Variants in WDFY4 observed in about 807,000 individuals in gnomAD.
WDFY4 encodes WD repeat- and FYVE domain-containing protein 4.
A neutral mutation model predicts 351.9 loss-of-function variants in WDFY4; 169 were observed. That is an observed-to-expected ratio of 0.48 (90% confidence interval 0.42 to 0.55). The LOEUF is 0.55. WDFY4 is among the 20% of genes least tolerant of loss of function. The pLI is 0.00. For missense variants in WDFY4, 3,803 were observed against 3,935.6 expected (o/e 0.97, Z 0.90); for synonymous variants, 1,622 against 1,574.6 (o/e 1.03, Z -0.71).
intron 21 of WDFY4, among the ~76,000 whole-genome samples, chr10:48,789,483 C>G (rs2066606949): frequency 6.6e-6 from 1 of 152,214 alleles, no homozygotes; most frequent in African/African-American, 2.4e-5. Context: ...CCTTTGACAT[C>G]TGTAGAGATT....
intron 2 of WDFY4, among the ~76,000 whole-genome samples, chr10:48,711,935 C>T (rs1362768693): frequency 2.6e-5 from 4 of 152,298 alleles, no homozygotes; most frequent in Admixed American, 1.3e-4. Flanking sequence ...CAGCTAACCT[C>T]GGAGCTCACT....
Position 48,830,767 on chromosome 10 carries a change from C to T in WDFY4, c.6408C>T (p.Thr2136=). The T allele has an allele frequency of 6.4e-7, 1 of 1,551,656 alleles. No individual in the cohort carries two copies. The highest frequency in any genetic ancestry group is 8.7e-7 in the Non-Finnish European group (1 of 1,146,962). ...AGCTGGTGGCACAAAGGCAGCAGAC[C>T]CTGGAGGATGCCTTCAAGATCGATC... ...WQQLVAQRQQ[T]LEDAFKIDLS... Residue 2136 remains threonine, a synonymous_variant, in exon 38 of 62, where the codon ACC becomes ACT. Transcript: ENST00000325239.
intron 23 of WDFY4, among the ~76,000 whole-genome samples, chr10:48,791,790 C>T (rs2066690792): frequency 1.3e-5 from 2 of 152,118 alleles, no homozygotes; most frequent in South Asian, 4.1e-4. Flanking sequence ...GGCAAAGCCT[C>T]CTGTGTCTCT....
chr10:48,809,784 A>G (rs1477401840), intron 28 of WDFY4, among the ~76,000 whole-genome samples: 1 of 152,248 alleles, frequency 6.6e-6, no homozygotes, highest in East Asian at 1.9e-4. Flanking sequence ...GCAGGGCTAG[A>G]AAAGAGGACA....
Position 48,970,168 on chromosome 10 carries a change from G to T in WDFY4, c.8807G>T (p.Arg2936Leu). The change falls in exon 57 of 62, where the codon CGC becomes CTC. Residue 2936 changes from arginine to leucine, a missense_variant. Physicochemically the swap from Arg to Leu is moderately radical, Grantham distance 102 (BLOSUM62 -2). Coordinates refer to ENST00000325239, the MANE Select transcript of WDFY4 (RefSeq NM_001394531.1). Reference sequence around the variant, plus strand: ...TTCGAGAACCTGGCTGCCTGGGGCCGCTGTCTGTGCGCCGTGTGCCCATCC... The same window carrying T: ...TTCGAGAACCTGGCTGCCTGGGGCCTCTGTCTGTGCGCCGTGTGCCCATCC... ...MTFENLAAWG[R>L]CLCAVCPSPT... 1 of 1,551,630 alleles carries T rather than the reference G, an allele frequency of 6.4e-7. No individual in the cohort carries two copies. The highest frequency in any genetic ancestry group is 8.7e-7 in the Non-Finnish European group (1 of 1,147,010).
chr10:48,944,445 G>A (rs1840941068), intron 49 of WDFY4, among the ~76,000 whole-genome samples: 1 of 152,222 alleles, frequency 6.6e-6, no homozygotes, highest in Admixed American at 6.5e-5. Flanking sequence ...ACCAAACTAT[G>A]GAGCAGTGTC....
intron 60 of WDFY4, 46 bp downstream of exon 60, chr10:48,978,439 C>A: frequency 6.7e-7 from 1 of 1,497,628 alleles, no homozygotes; most frequent in South Asian, 1.3e-5. Context: ...TTGCCCTGCC[C>A]TCCTCACCTC....
intron 6 of WDFY4, among the ~76,000 whole-genome samples, chr10:48,727,053 T>A (rs1266862172): frequency 6.6e-6 from 1 of 152,186 alleles, no homozygotes; most frequent in African/African-American, 2.4e-5. Context: ...AAGCACCCCA[T>A]CTTTTTACCC....
At chr10:48,911,826 T>C (rs1838030990) in intron 47 of WDFY4, among the ~76,000 whole-genome samples, 1 of 152,190 alleles carries the variant, frequency 6.6e-6, no homozygotes, top group African/African-American at 2.4e-5. Context: ...AAAACTAAAA[T>C]GAAAATTTTG....
intron 18 of WDFY4, 84 bp downstream of exon 18, chr10:48,778,916 T>G: frequency 2.8e-6 from 4 of 1,432,326 alleles, no homozygotes; most frequent in Non-Finnish European, 2.8e-6. Context: ...CAGGTGTGGT[T>G]AGAAACCTGG....
At chr10:48,873,293 A>T (rs1240143653) in intron 40 of WDFY4, among the ~76,000 whole-genome samples, 198 bp from the exon 41 acceptor site, 1 of 152,218 alleles carries the variant, frequency 6.6e-6, no homozygotes, top group Non-Finnish European at 1.5e-5. Context: ...TTGGATTAAG[A>T]TATCTTAAAG....
rs1047910079 is a variant in WDFY4 at position 48,776,801 on chromosome 10, A to T, written c.2915A>T (p.Asp972Val). 1 of 1,551,268 alleles carries T rather than the reference A, an allele frequency of 6.4e-7. No individual in the cohort carries two copies. Among genetic ancestry groups the T allele is most frequent in the African/African-American group, 1.4e-5 (1 of 73,048 alleles). ...GAGGGGCCCTGGCCAGCTGCCCCAGATGCTGGGCTGCACCCTGGAGTCACA... is the reference window on the plus strand; with the variant it reads ...GAGGGGCCCTGGCCAGCTGCCCCAGTTGCTGGGCTGCACCCTGGAGTCACA... ...LAEGPWPAAP[D>V]AGLHPGVTQA... The change falls in exon 16 of 62, where the codon GAT becomes GTT. Residue 972 changes from aspartate (D) to valine (V), a missense_variant. Asp to Val is a radical substitution (Grantham distance 152). Transcript: ENST00000325239.
Position 48,900,269 on chromosome 10 carries a change from G to A in WDFY4, c.7486G>A (p.Val2496Ile). The A allele has an allele frequency of 1.3e-6, 2 of 1,551,686 alleles. No homozygotes were observed. The highest frequency in any genetic ancestry group is 8.7e-7 in the Non-Finnish European group (1 of 1,146,976). The change falls in exon 46 of 62, where the codon GTC becomes ATC. Residue 2496 changes from valine (V) to isoleucine (I), a missense_variant. Coordinates refer to ENST00000325239, the MANE Select transcript of WDFY4 (RefSeq NM_001394531.1). ...FFHNGYSKFL[V>I]FYNNDRSKAF... ...CCACAATGGATATTCCAAGTTTCTTGTCTTCTACAACAATGATCGGAGTAA... is the reference window on the plus strand; with the variant it reads ...CCACAATGGATATTCCAAGTTTCTTATCTTCTACAACAATGATCGGAGTAA...
chr10:48,815,276 C>A (rs943906109), intron 31 of WDFY4, among the ~76,000 whole-genome samples: 3 of 152,228 alleles, frequency 2.0e-5, no homozygotes, highest in Admixed American at 6.5e-5. Context: ...TAGTTGAGTT[C>A]TTTTGCATTT....
chr10:48,805,455 G>T, intron 26 of WDFY4, 34 bp downstream of exon 26: 2 of 1,539,614 alleles, frequency 1.3e-6, no homozygotes, highest in Non-Finnish European at 1.7e-6. Context: ...GGAAGAGCAG[G>T]GCCCCAGGGC....
intron 39 of WDFY4, among the ~76,000 whole-genome samples, chr10:48,848,894 A>G (rs999420859): frequency 2.0e-5 from 3 of 152,230 alleles, no homozygotes; most frequent in Non-Finnish European, 2.9e-5. Context: ...GACTGTGGTC[A>G]CCAAATCCCT....
At chr10:48,815,303 A>G (rs950395409) in intron 31 of WDFY4, among the ~76,000 whole-genome samples, 2 of 152,104 alleles carry the variant, frequency 1.3e-5, no homozygotes, top group Non-Finnish European at 2.9e-5. Context: ...TCTGAGGTTG[A>G]AATCATTTTT....
intron 32 of WDFY4, among the ~76,000 whole-genome samples, chr10:48,818,000 GC>G (rs1179957661): frequency 1.3e-5 from 2 of 152,208 alleles, no homozygotes; most frequent in African/African-American, 4.8e-5. Context: ...CTCCAGCTAG[GC>G]CCAGCAGGTC....
At chr10:48,768,751 G>GAGAGAGAGAGAGAA (rs2039279537) in intron 13 of WDFY4, among the ~76,000 whole-genome samples, 1 of 143,612 alleles carries the variant, frequency 7.0e-6, no homozygotes, top group Non-Finnish European at 1.5e-5. Flanking sequence ...GAGAGAGAGA[G>GAGAGAGAGAGAGAA]AGAGAACCAG....
Sources: gnomAD v4.1 joint callset for allele counts (sites outside exome capture counted in the v4.1 genomes callset) on GRCh38, gnomAD v4.1.1 for gene constraint, MANE v1.5 for transcripts, NCBI Gene and HGNC (gene_info 2026-07-23, HGNC 2026-07-21) for gene names.